ADCY2: variants seen among roughly 807,000 people sequenced by gnomAD.
ADCY2 encodes adenylate cyclase type 2.
Under a neutral mutation model 125.2 loss-of-function variants are expected in ADCY2, and 31 were observed. The ratio of observed to expected loss-of-function variants is 0.25; its 90% CI spans 0.19 to 0.33. The LOEUF (loss-of-function observed/expected upper bound fraction) is 0.33. Ranked by LOEUF, ADCY2 falls within the 10% of genes least tolerant of loss-of-function variation. The pLI is 1.00. For synonymous variants in ADCY2, 512 were observed against 548.4 expected, an observed-to-expected ratio of 0.93 and a Z score of 0.93; for missense variants, 904 against 1,418.2, an observed-to-expected ratio of 0.64 and a Z score of 5.82.
intron 2 of ADCY2, among the ~76,000 whole-genome samples, chr5:7,471,762 G>A (rs1742347818): frequency 6.6e-6 from 1 of 151,872 alleles, no homozygotes; most frequent in Non-Finnish European, 1.5e-5. Flanking sequence ...CTGAAAAAAA[G>A]TGTCATTTTT....
At chr5:7,591,589 C>T (rs1015762486) in intron 3 of ADCY2, among the ~76,000 whole-genome samples, 2 of 152,130 alleles carry the variant, frequency 1.3e-5, no homozygotes, top group Non-Finnish European at 2.9e-5. Context: ...GATGGTTATA[C>T]AGCAACTGTA....
In ADCY2 at chr5:7,826,780, T is replaced by G; in HGVS notation, c.3185T>G (p.Ile1062Arg). The G allele has an allele frequency of 6.2e-7, 1 of 1,614,082 alleles. No individual in the cohort carries two copies. Among genetic ancestry groups the G allele is most frequent in the Non-Finnish European group, 8.5e-7 (1 of 1,180,010 alleles). Residue 1062 changes from isoleucine (I) to arginine (R), a missense_variant, in exon 25 of 25, where the codon ATA (isoleucine) becomes AGA (arginine). Physicochemically the swap from Ile to Arg is moderately conservative, Grantham distance 97. Coordinates refer to ENST00000338316, the MANE Select transcript of ADCY2 (RefSeq NM_020546.3). ...TLGYTCTCRG[I>R]INVKGKGDLK... Reference sequence around the variant, plus strand: ...GGATACACGTGCACCTGTCGAGGAATAATCAACGTGAAAGGAAAGGGGGAC... The same window carrying G: ...GGATACACGTGCACCTGTCGAGGAAGAATCAACGTGAAAGGAAAGGGGGAC...
At chr5:7,723,858 T>C (rs2126392835) in intron 12 of ADCY2, among the ~76,000 whole-genome samples, 1 of 131,170 alleles carries the variant, frequency 7.6e-6, no homozygotes, top group South Asian at 2.3e-4. Context: ...GAGGCAGAGG[T>C]TGCAGTGAGC....
chr5:7,497,058 A>G (rs1018100296), intron 2 of ADCY2, among the ~76,000 whole-genome samples: 1 of 152,198 alleles, frequency 6.6e-6, no homozygotes, highest in Non-Finnish European at 1.5e-5. Context: ...AAGGAATGCC[A>G]TAAGAGAAGC....
At chr5:7,447,146 G>A (rs1169713655) in intron 2 of ADCY2, among the ~76,000 whole-genome samples, 1 of 152,010 alleles carries the variant, frequency 6.6e-6, no homozygotes, top group Non-Finnish European at 1.5e-5. Flanking sequence ...TAGGCTCAGT[G>A]CCCACCACCC....
At chr5:7,635,165 A>AT (rs1738451489) in intron 4 of ADCY2, among the ~76,000 whole-genome samples, 1 of 152,178 alleles carries the variant, frequency 6.6e-6, no homozygotes, top group South Asian at 2.1e-4. Flanking sequence ...TTGGGATGTT[A>AT]TACTGAGTGG....
intron 14 of ADCY2, among the ~76,000 whole-genome samples, chr5:7,738,525 G>A (rs1347713756): frequency 3.3e-5 from 5 of 151,760 alleles, no homozygotes; most frequent in African/African-American, 1.2e-4. Context: ...AAAGCAATGG[G>A]GCAAATAAAC....
intron 3 of ADCY2, among the ~76,000 whole-genome samples, chr5:7,574,837 T>C (rs1736192164): frequency 6.6e-6 from 1 of 152,182 alleles, no homozygotes; most frequent in Non-Finnish European, 1.5e-5. Context: ...AGAATGGTTA[T>C]TGAATTAGAA....
intron 1 of ADCY2, among the ~76,000 whole-genome samples, chr5:7,413,398 C>A (rs1739802014): frequency 6.6e-6 from 1 of 152,056 alleles, no homozygotes; most frequent in African/African-American, 2.4e-5. Context: ...AGGTTCACGC[C>A]ATTCTCTGTC....
chr5:7,471,718 T>C (rs933250014), intron 2 of ADCY2, among the ~76,000 whole-genome samples: 1 of 150,964 alleles, frequency 6.6e-6, no homozygotes, highest in African/African-American at 2.4e-5. Flanking sequence ...GTACTGTAGC[T>C]CTGCTGGTGA....
chr5:7,531,449 T>G, intron 3 of ADCY2, among the ~76,000 whole-genome samples: 1 of 152,156 alleles, frequency 6.6e-6, no homozygotes, highest in South Asian at 2.1e-4. Flanking sequence ...CAAGGGCTGC[T>G]CTAACAAATT....
chr5:7,578,589 A>G (rs779190272), intron 3 of ADCY2, among the ~76,000 whole-genome samples: 1 of 152,116 alleles, frequency 6.6e-6, no homozygotes, highest in Non-Finnish European at 1.5e-5. Flanking sequence ...CTGTTTGTTT[A>G]TCTGATATCT....
intron 4 of ADCY2, chr5:7,653,908 C>T: frequency 7.2e-6 from 2 of 276,272 alleles, no homozygotes; most frequent in Non-Finnish European, 1.5e-5. Context: ...GGGGAGGAGT[C>T]AGTTTGGGGG....
intron 3 of ADCY2, among the ~76,000 whole-genome samples, chr5:7,556,164 A>G (rs368014739): frequency 3.3e-5 from 5 of 152,152 alleles, no homozygotes; most frequent in African/African-American, 4.8e-5. Flanking sequence ...CACTATTTCA[A>G]TATTCTAAAT....
chr5:7,654,624 T>G (rs1739257947), intron 4 of ADCY2, among the ~76,000 whole-genome samples: 1 of 152,188 alleles, frequency 6.6e-6, no homozygotes, highest in Admixed American at 6.5e-5. Flanking sequence ...TGTTTCTGCC[T>G]TCTCATTTTA....
intron 3 of ADCY2, among the ~76,000 whole-genome samples, chr5:7,614,138 C>T (rs904862487): frequency 1.3e-5 from 2 of 152,236 alleles, no homozygotes; most frequent in African/African-American, 4.8e-5. Flanking sequence ...AGATGAGCTT[C>T]ATGCATCTCA....
At position 7,524,802 on chromosome 5, in the gene ADCY2, A is replaced by T. The variant is rs544888015; in HGVS notation, c.570+3903A>T. Among the ~76,000 whole-genome samples the T allele has an allele frequency of 2.6e-5, 4 of 152,298 alleles. No homozygotes were observed. The South Asian group carries it at 8.3e-4, about 32-fold the overall frequency. ...CTCCTTACCTATGGTGTTCACTTGT[A>T]TGATGGCTCTGTCCATCCAACTCTT... On this transcript the variant is annotated intron_variant, in intron 3 of 24. Transcript: ENST00000338316.
In ADCY2 at chr5:7,478,592, G is replaced by A. The variant is rs112418475; in HGVS notation, c.409-42146G>A. On this transcript the variant is annotated intron_variant, in intron 2 of 24. Transcript: ENST00000338316. ...ATATTTGATAAGGTAATATTGTTTT[G>A]TCAGCTAATGTTTTATGGTAAGGCT... Among the ~76,000 whole-genome samples, 431 of 152,240 alleles carry A rather than the reference G, an allele frequency of 2.8e-3. 2 individuals carry two copies. Among genetic ancestry groups the A allele is most frequent in the African/African-American group, 9.8e-3 (408 of 41,558 alleles).
At chr5:7,439,551 CACACACACACAA>C (rs1447316760) in intron 2 of ADCY2, among the ~76,000 whole-genome samples, 2 of 152,048 alleles carry the variant, frequency 1.3e-5, no homozygotes, top group East Asian at 3.9e-4. Context: ...CACACACACA[CACACACACACAA>C]AAGTATGTGT....
Sources: gnomAD v4.1 joint callset for allele counts (sites outside exome capture counted in the v4.1 genomes callset) on GRCh38, gnomAD v4.1.1 for gene constraint, MANE v1.5 for transcripts, NCBI Gene and HGNC (gene_info 2026-07-23, HGNC 2026-07-21) for gene names.